The following PRIM2 variants were observed in gnomAD, a reference collection of about 807,000 sequenced individuals.
PRIM2 encodes the protein DNA primase subunit 2, also known as DNA primase large subunit.
Under a neutral mutation model 67.3 loss-of-function variants are expected in PRIM2, and 39 were observed. The observed-to-expected ratio is 0.58, with a 90% CI of 0.45 to 0.76. PRIM2 has a LOEUF of 0.76. PRIM2 is among the 30% of genes least tolerant of loss of function. PRIM2 has a pLI of 0.00. For missense variants in PRIM2, 398 were observed against 598.7 expected (o/e 0.66, Z 3.50); for synonymous variants, 143 against 198.7 (o/e 0.72, Z 2.36).
the PRIM2 span, among the ~76,000 whole-genome samples, chr6:57,252,656 A>T: frequency 6.6e-6 from 1 of 152,048 alleles, no homozygotes. Context: ...GGCCAGGCTG[A>T]TCTCGAACTC....
the PRIM2 span, among the ~76,000 whole-genome samples, chr6:57,280,149 C>T: frequency 0.28 from 42,501 of 151,886 alleles, 6,600 homozygotes; most frequent in East Asian, 0.61. Flanking sequence ...TTTTTGTTTT[C>T]GTTTTTATTT....
chr6:57,334,242 AT>A (rs1020161283), intron 5 of PRIM2, among the ~76,000 whole-genome samples: 10 of 150,762 alleles, frequency 6.6e-5, no homozygotes, highest in Non-Finnish European at 1.2e-4. Context: ...CAGGATTTTC[AT>A]TTTTTTTTAT....
At chr6:57,447,669 G>A (rs936905016) in intron 7 of PRIM2, among the ~76,000 whole-genome samples, 1 of 152,172 alleles carries the variant, frequency 6.6e-6, no homozygotes, top group South Asian at 2.1e-4. Flanking sequence ...AAGTGAGGCA[G>A]AGTAAATTTG....
At chr6:57,560,134 T>C (rs1775598358) in intron 10 of PRIM2, among the ~76,000 whole-genome samples, 1 of 152,258 alleles carries the variant, frequency 6.6e-6, no homozygotes, top group Non-Finnish European at 1.5e-5. Flanking sequence ...ATGCTGTTTA[T>C]AAGTTAAGTG....
intron 7 of PRIM2, among the ~76,000 whole-genome samples, chr6:57,436,387 A>T (rs180784940): frequency 2.6e-4 from 39 of 152,350 alleles, no homozygotes; most frequent in Admixed American, 9.8e-4. Context: ...TGAACTGCAG[A>T]TGCCATCAAT....
intron 5 of PRIM2, among the ~76,000 whole-genome samples, chr6:57,363,391 T>C (rs1315707627): frequency 6.6e-6 from 1 of 152,220 alleles, no homozygotes; most frequent in Non-Finnish European, 1.5e-5. Context: ...TTTCCATACA[T>C]GTCTGTCTTC....
chr6:57,312,153 C>T (rs1344050870), upstream of PRIM2, among the ~76,000 whole-genome samples: 3 of 151,944 alleles, frequency 2.0e-5, no homozygotes, highest in Admixed American at 6.6e-5. Flanking sequence ...TATCATCTCG[C>T]AATTTGTGGA....
chr6:57,418,680 A>G (rs1412326440), intron 7 of PRIM2, among the ~76,000 whole-genome samples: 3 of 152,034 alleles, frequency 2.0e-5, no homozygotes, highest in Non-Finnish European at 4.4e-5. Flanking sequence ...GATTACAAGC[A>G]TGAACCACTG....
chr6:57,368,165 G>T (rs1376858865), intron 5 of PRIM2, among the ~76,000 whole-genome samples: 1 of 151,964 alleles, frequency 6.6e-6, no homozygotes, highest in Non-Finnish European at 1.5e-5. Context: ...TAAATGAAAT[G>T]ATTCCTAATT....
the PRIM2 span, among the ~76,000 whole-genome samples, chr6:57,240,793 TAAC>T: frequency 2.6e-5 from 4 of 151,830 alleles, no homozygotes; most frequent in Non-Finnish European, 4.4e-5. Flanking sequence ...ACTAAGCAAA[TAAC>T]AAAAATATTA....
At chr6:57,590,765 G>T (rs1776269708) in intron 10 of PRIM2, among the ~76,000 whole-genome samples, 1 of 152,196 alleles carries the variant, frequency 6.6e-6, no homozygotes, top group Non-Finnish European at 1.5e-5. Context: ...ATTCAGAAGA[G>T]CCTGACTAAA....
At chr6:57,323,691 T>C (rs1056250803) in intron 3 of PRIM2, among the ~76,000 whole-genome samples, 1 of 151,742 alleles carries the variant, frequency 6.6e-6, no homozygotes, top group Non-Finnish European at 1.5e-5. Context: ...GCTTAAAACC[T>C]AGATGACGGG....
chr6:57,580,369 T>C (rs1776059131), intron 10 of PRIM2, among the ~76,000 whole-genome samples: 1 of 152,246 alleles, frequency 6.6e-6, no homozygotes, highest in South Asian at 2.1e-4. Context: ...TTTAGGTTCA[T>C]GGCTGAGGTC....
intron 7 of PRIM2, among the ~76,000 whole-genome samples, chr6:57,423,689 C>G (rs1477227752): frequency 6.6e-6 from 1 of 152,174 alleles, no homozygotes; most frequent in Non-Finnish European, 1.5e-5. Flanking sequence ...TTGGTATGTG[C>G]AAAGCCAAGG....
At chr6:57,544,952 A>G (rs1450277083) in intron 10 of PRIM2, among the ~76,000 whole-genome samples, 1 of 152,234 alleles carries the variant, frequency 6.6e-6, no homozygotes, top group African/African-American at 2.4e-5. Context: ...AATTCTACCA[A>G]ATCTTTAAAG....
chr6:57,444,179 A>G (rs973981946), intron 7 of PRIM2, among the ~76,000 whole-genome samples: 7 of 152,072 alleles, frequency 4.6e-5, no homozygotes, highest in Admixed American at 3.9e-4. Flanking sequence ...CTCAAAGTAT[A>G]TATGTTGGTG....
At chr6:57,277,819 A>T in the PRIM2 span, among the ~76,000 whole-genome samples, 1 of 151,748 alleles carries the variant, frequency 6.6e-6, no homozygotes, top group African/African-American at 2.4e-5. Context: ...TCTCTACTAA[A>T]AAAATACAAC....
chr6:57,385,594 C>T (rs1053559723), intron 7 of PRIM2, among the ~76,000 whole-genome samples: 4 of 152,206 alleles, frequency 2.6e-5, no homozygotes, highest in Non-Finnish European at 4.4e-5. Flanking sequence ...CCAGTTTTCT[C>T]AATCACATTC....
chr6:57,583,179 T>A (rs1235355754), intron 10 of PRIM2, among the ~76,000 whole-genome samples: 47 of 144,100 alleles, frequency 3.3e-4, no homozygotes, highest in East Asian at 6.5e-4. Context: ...TCTTTTTTTT[T>A]AAATTATTAT....
Sources: gnomAD v4.1 joint callset for allele counts (sites outside exome capture counted in the v4.1 genomes callset) on GRCh38, gnomAD v4.1.1 for gene constraint, MANE v1.5 for transcripts, NCBI Gene and HGNC (gene_info 2026-07-23, HGNC 2026-07-21) for gene names.